KCND2: variants seen among roughly 807,000 people sequenced by gnomAD.
KCND2 encodes the protein A-type voltage-gated potassium channel KCND2.
KCND2 carries 16 observed loss-of-function variants against 54.4 expected under a neutral mutation model. That is an observed-to-expected ratio of 0.29 (90% confidence interval 0.20 to 0.45). KCND2 has a LOEUF of 0.45. Among genes scored for constraint, KCND2 ranks in the 20% least tolerant of loss-of-function variants. The pLI, the probability that KCND2 is intolerant of heterozygous loss-of-function variation, is 1.00. For synonymous variants in KCND2, 317 were observed against 310.7 expected (o/e 1.02, Z -0.21); for missense variants, 486 against 824.2 (o/e 0.59, Z 5.02).
intron 1 of KCND2, among the ~76,000 whole-genome samples, chr7:120,309,091 A>G (rs544006617): frequency 6.6e-6 from 1 of 152,298 alleles, no homozygotes; most frequent in East Asian, 1.9e-4. Flanking sequence ...CAAGGAACAC[A>G]AAACAGGACA....
intron 1 of KCND2, among the ~76,000 whole-genome samples, chr7:120,321,533 G>A (rs1367454551): frequency 1.3e-5 from 2 of 151,852 alleles, no homozygotes; most frequent in African/African-American, 2.4e-5. Flanking sequence ...AAAATTTATT[G>A]TCCACTTATA....
chr7:120,347,307 G>C (rs1800333957), intron 1 of KCND2, among the ~76,000 whole-genome samples: 1 of 152,078 alleles, frequency 6.6e-6, no homozygotes, highest in Non-Finnish European at 1.5e-5. Flanking sequence ...TTCAGACTGT[G>C]TATATATAGT....
intron 1 of KCND2, among the ~76,000 whole-genome samples, chr7:120,595,589 G>GTATATATA (rs1358227121): frequency 2.5e-5 from 1 of 40,436 alleles, no homozygotes; most frequent in African/African-American, 6.4e-5. Context: ...ATGTGTGTGT[G>GTATATATA]TGTATATATA....
chr7:120,734,171 G>A (rs192513852), intron 2 of KCND2, among the ~76,000 whole-genome samples: 40 of 152,170 alleles, frequency 2.6e-4, no homozygotes, highest in Admixed American at 2.5e-3. Flanking sequence ...ATAGCTCAGC[G>A]TTTGCCTTAT....
At chr7:120,350,347 A>C (rs1034315593) in intron 1 of KCND2, among the ~76,000 whole-genome samples, 1 of 152,120 alleles carries the variant, frequency 6.6e-6, no homozygotes, top group Non-Finnish European at 1.5e-5. Context: ...TAACAGCATT[A>C]ATTTTCCTAC....
intron 1 of KCND2, among the ~76,000 whole-genome samples, chr7:120,316,156 A>T (rs1285625083): frequency 1.3e-5 from 2 of 152,146 alleles, no homozygotes; most frequent in African/African-American, 4.8e-5. Context: ...TTAGAAACCT[A>T]AAAGAAAAAA....
At chr7:120,550,610 AC>A (rs1265915916) in intron 1 of KCND2, among the ~76,000 whole-genome samples, 1 of 152,164 alleles carries the variant, frequency 6.6e-6, no homozygotes, top group Non-Finnish European at 1.5e-5. Context: ...ACAAGCCAGC[AC>A]TTTGTAGTCA....
At chr7:120,603,255 T>G (rs1460671012) in intron 1 of KCND2, among the ~76,000 whole-genome samples, 1 of 152,218 alleles carries the variant, frequency 6.6e-6, no homozygotes, top group African/African-American at 2.4e-5. Flanking sequence ...TGGAAGCAAC[T>G]ATAAGTTCTT....
chr7:120,514,655 T>C (rs933077379), intron 1 of KCND2, among the ~76,000 whole-genome samples: 1 of 152,074 alleles, frequency 6.6e-6, no homozygotes, highest in African/African-American at 2.4e-5. Context: ...TCCCCAACCT[T>C]TTTGGCACTA....
intron 1 of KCND2, among the ~76,000 whole-genome samples, chr7:120,443,976 G>A (rs1389119425): frequency 2.0e-5 from 3 of 152,018 alleles, no homozygotes; most frequent in Non-Finnish European, 2.9e-5. Flanking sequence ...CTTGAACTTT[G>A]TTTGCCTTCC....
intron 1 of KCND2, among the ~76,000 whole-genome samples, chr7:120,292,042 T>C (rs1250651868): frequency 2.6e-5 from 4 of 151,860 alleles, no homozygotes; most frequent in African/African-American, 9.7e-5. Flanking sequence ...TAAAACATAA[T>C]CAGTATTTTT....
chr7:120,332,558 A>G (rs775543067), intron 1 of KCND2, among the ~76,000 whole-genome samples: 5 of 152,118 alleles, frequency 3.3e-5, no homozygotes, highest in Admixed American at 2.0e-4. Context: ...ATGAATGGCT[A>G]TTGAAGCCTT....
At chr7:120,452,822 G>A (rs117725353) in intron 1 of KCND2, among the ~76,000 whole-genome samples, 62 of 152,278 alleles carry the variant, frequency 4.1e-4, no homozygotes, top group Non-Finnish European at 7.2e-4. Flanking sequence ...ATGTTCTCTA[G>A]GAGACTTTAG....
chr7:120,496,383 T>C (rs1802847340), intron 1 of KCND2, among the ~76,000 whole-genome samples: 1 of 152,012 alleles, frequency 6.6e-6, no homozygotes, highest in Admixed American at 6.6e-5. Context: ...TACTGCCACC[T>C]ACTTCTTGAA....
chr7:120,472,084 A>C (rs975566090), intron 1 of KCND2, among the ~76,000 whole-genome samples: 1 of 151,892 alleles, frequency 6.6e-6, no homozygotes, highest in African/African-American at 2.4e-5. Context: ...GTTATATTCC[A>C]ACTATATAGT....
intron 1 of KCND2, among the ~76,000 whole-genome samples, chr7:120,547,105 T>C (rs1562869786): frequency 6.6e-6 from 1 of 151,980 alleles, no homozygotes; most frequent in Non-Finnish European, 1.5e-5. Flanking sequence ...AAAAATAAAG[T>C]ATAAAATATA....
intron 1 of KCND2, among the ~76,000 whole-genome samples, chr7:120,453,754 T>TA (rs1287831347): frequency 1.3e-5 from 2 of 152,204 alleles, no homozygotes; most frequent in East Asian, 3.9e-4. Context: ...TAAAGCAATG[T>TA]AAAAAGGGAA....
intron 1 of KCND2, among the ~76,000 whole-genome samples, chr7:120,375,251 A>C (rs1226811414): frequency 6.6e-6 from 1 of 151,868 alleles, no homozygotes; most frequent in African/African-American, 2.4e-5. Context: ...TTGCAGGAAT[A>C]AGTGAAATAG....
At chr7:120,280,006 T>C (rs1799238936) in intron 1 of KCND2, among the ~76,000 whole-genome samples, 1 of 151,988 alleles carries the variant, frequency 6.6e-6, no homozygotes, top group African/African-American at 2.4e-5. Context: ...GGTGAAATTA[T>C]CTTCCCTTGT....
Sources: allele counts gnomAD v4.1 joint callset (sites outside exome capture counted in the v4.1 genomes callset), GRCh38; gene constraint gnomAD v4.1.1; transcripts MANE v1.5; gene names NCBI Gene and HGNC (gene_info 2026-07-23, HGNC 2026-07-21).